Variants in HRK observed in about 807,000 individuals in gnomAD.
HRK encodes the protein harakiri, BCL2 interacting protein.
In HRK, 6 loss-of-function variants were observed where a neutral mutation model predicts 5.9. The ratio of observed to expected loss-of-function variants is 1.02; its 90% confidence interval spans 0.56 to 2.01. HRK has a LOEUF of 2.01. Among genes scored for constraint, HRK ranks in the 30% most tolerant of loss-of-function variants. HRK has a pLI of 0.00. For synonymous variants in HRK, 85 were observed against 65.1 expected (o/e 1.31, Z -1.47); for missense variants, 133 against 128.3 (o/e 1.04, Z -0.18).
rs201285963 is a variant in HRK at position 116,864,830 on chromosome 12, G to A, written c.*57-3364C>T. On this transcript the variant is annotated intron_variant, in intron 1 of 1. Transcript: ENST00000257572. ...TTTTTTCCAAGCAGCAGTAGTAATC[G>A]TGCAATTTAAAACTATTTTTAAAAC... Among the ~76,000 whole-genome samples, 10 of 151,990 alleles carry A rather than the reference G, an allele frequency of 6.6e-5. No individual in the cohort carries two copies. In the East Asian group the frequency reaches 1.7e-3, roughly 26 times the overall value.
At chr12:116,871,021 C>A (rs1340499081) in intron 1 of HRK, among the ~76,000 whole-genome samples, 1 of 152,012 alleles carries the variant, frequency 6.6e-6, no homozygotes, top group Admixed American at 6.5e-5. Flanking sequence ...TGGGTTCAAG[C>A]GATTCTCTTG....
In HRK at chr12:116,878,522, G is replaced by A. The variant is rs1879019585; in HGVS notation, c.*56+2454C>T. 1 of 152,332 alleles carries A rather than the reference G, an allele frequency of 6.6e-6. No individual in the cohort carries two copies. The highest frequency in any genetic ancestry group is 2.4e-5 in the African/African-American group (1 of 41,454). 9.4% of individuals were successfully genotyped at this position (152,332 alleles called of 1,614,324 possible). On this transcript the variant is annotated intron_variant, in intron 1 of 1. Coordinates refer to ENST00000257572, the MANE Select transcript of HRK (RefSeq NM_003806.4). The surrounding 1 kb of genome is among the most constrained non-coding windows in gnomAD (Gnocchi z 4.4). ...AAGCACAAGAAAGGCCGGAGCGGCT[G>A]GTATTCTGAGGTCAGATGTAGGCTG...
intron 1 of HRK, among the ~76,000 whole-genome samples, chr12:116,868,253 G>GCTAAAATGCCTGA (rs112986686): frequency 0.29 from 43,513 of 151,488 alleles, 7,008 homozygotes; most frequent in African/African-American, 0.44. Context: ...ACCACGCCTG[G>GCTAAAATGCCTGA]CTAAAATGCC....
chr12:116,865,485 C>A (rs917658680), intron 1 of HRK, among the ~76,000 whole-genome samples: 1 of 152,138 alleles, frequency 6.6e-6, no homozygotes, highest in Non-Finnish European at 1.5e-5. Flanking sequence ...TGAGATCATG[C>A]CTCTGCACTC....
rs1161368317 is a variant in HRK at position 116,861,106 on chromosome 12, G to A, written c.*417C>T. On this transcript the variant is annotated 3_prime_UTR_variant, in exon 2 of 2. Transcript: ENST00000257572. Reference sequence around the variant, plus strand: ...ACCAGTCTTTGCAAATAGTTTCTAAGTACACAGCAGGCATCTCTCTTCTGG... The same window carrying A: ...ACCAGTCTTTGCAAATAGTTTCTAAATACACAGCAGGCATCTCTCTTCTGG... 6.6e-6 allele frequency: 1 copy of A among 152,156 alleles called. No individual in the cohort carries two copies. Among genetic ancestry groups the A allele is most frequent in the Non-Finnish European group, 1.5e-5 (1 of 68,052 alleles). 9.4% of individuals were successfully genotyped at this position (152,156 alleles called of 1,614,324 possible).
chr12:116,873,586 T>G (rs1006485829), intron 1 of HRK, among the ~76,000 whole-genome samples: 4 of 150,778 alleles, frequency 2.7e-5, no homozygotes, highest in African/African-American at 9.8e-5. Context: ...TTGCCCAGGT[T>G]AGTCTCAAGT....
chr12:116,868,731 C>G (rs1035574302), intron 1 of HRK, among the ~76,000 whole-genome samples: 1 of 152,112 alleles, frequency 6.6e-6, no homozygotes, highest in African/African-American at 2.4e-5. Flanking sequence ...CAGTAATGGG[C>G]AAAATAGGCA....
chr12:116,866,399 A>C (rs1033123752), intron 1 of HRK, among the ~76,000 whole-genome samples: 9 of 151,708 alleles, frequency 5.9e-5, no homozygotes, highest in African/African-American at 2.2e-4. Flanking sequence ...TCAAAAAAAA[A>C]AAAAAAAAAA....
intron 1 of HRK, chr12:116,867,628 T>G (rs1228158511): frequency 6.6e-6 from 1 of 152,078 alleles, no homozygotes; most frequent in Non-Finnish European, 1.5e-5. Context: ...AAAAAGTGCC[T>G]AACAACCTTG....
intron 1 of HRK, among the ~76,000 whole-genome samples, chr12:116,870,081 A>AAC (rs113070500): frequency 0.056 from 8,471 of 150,914 alleles, 561 homozygotes; most frequent in East Asian, 0.23. Flanking sequence ...CTCCATCTAA[A>AAC]ACACACACAC....
intron 1 of HRK, chr12:116,867,710 C>T (rs566163650): frequency 1.6e-4 from 25 of 152,318 alleles, no homozygotes; most frequent in African/African-American, 5.8e-4. Context: ...AATCCTGGTT[C>T]ATCCAAGCAA....
At position 116,859,730 on chromosome 12, in the gene HRK, A is replaced by C. The variant is rs1264038855; in HGVS notation, c.*1793T>G. ...GCCCTGGGGTTGCATTTCTCTTTAAAGGGCTATTTAGGAAAACACAAGGAA... is the reference window on the plus strand; with the variant it reads ...GCCCTGGGGTTGCATTTCTCTTTAACGGGCTATTTAGGAAAACACAAGGAA... On this transcript the variant is annotated 3_prime_UTR_variant, in exon 2 of 2. Transcript: ENST00000257572. 6.6e-6 allele frequency: 1 copy of C among 151,892 alleles called. No homozygotes were observed. Among genetic ancestry groups the C allele is most frequent in the Non-Finnish European group, 1.5e-5 (1 of 68,014 alleles). 9.4% of individuals were successfully genotyped at this position (151,892 alleles called of 1,614,324 possible). A position where few individuals can be genotyped will look rare whatever the true frequency, so the allele number is the denominator to read the frequency against.
Position 116,860,029 on chromosome 12 carries a change from A to G in HRK, c.*1494T>C, listed in dbSNP as rs1027687891. On this transcript the variant is annotated 3_prime_UTR_variant, in exon 2 of 2. Transcript: ENST00000257572. ...CTTAGAACTGGAGCGGTGTCTGCTA[A>G]CCAGCCTGCTGGACCCTCTGTCTAT... 6.6e-6 allele frequency: 1 copy of G among 152,214 alleles called. No homozygotes were observed. The highest frequency in any genetic ancestry group is 1.5e-5 in the Non-Finnish European group (1 of 68,054). The allele number at this position is 152,214 out of a possible 1,614,324, so 9.4% of individuals were successfully genotyped here. A position where few individuals can be genotyped will look rare whatever the true frequency, so the allele number is the denominator to read the frequency against.
chr12:116,860,077 A>G lies in HRK; in HGVS notation c.*1446T>C, dbSNP rs1878303103. 6.6e-6 allele frequency: 1 copy of G among 152,226 alleles called. No individual in the cohort carries two copies. Among genetic ancestry groups the G allele is most frequent in the Admixed American group, 6.5e-5 (1 of 15,294 alleles). 9.4% of individuals were successfully genotyped at this position (152,226 alleles called of 1,614,324 possible). A position where few individuals can be genotyped will look rare whatever the true frequency, so the allele number is the denominator to read the frequency against. ...TATAGGTACCGGGTGGTGACCTGCA[A>G]ATCCAGCCTTGGAGAATGACCGTCC... On this transcript the variant is annotated 3_prime_UTR_variant, in exon 2 of 2. Coordinates refer to ENST00000257572, the MANE Select transcript of HRK (RefSeq NM_003806.4).
rs898623715 is a variant in HRK, at chr12:116,856,236, GACGTCAGAACCAACA to G, written c.*5272_*5286del. On this transcript the variant is annotated 3_prime_UTR_variant, in exon 2 of 2. Coordinates refer to ENST00000257572, the MANE Select transcript of HRK (RefSeq NM_003806.4). The surrounding 1 kb of genome is among the most constrained non-coding windows in gnomAD (Gnocchi z 4.4). ...AATTCCTCTTACAAAAGAGCACAAC[GACGTCAGAACCAACA>G]ACGTCAGAACCCAGAACGGAACGTC... The G allele has an allele frequency of 5.9e-5, 9 of 152,304 alleles. No homozygotes were observed. The highest frequency in any genetic ancestry group is 4.6e-4 in the Admixed American group (7 of 15,290). 9.4% of individuals were successfully genotyped at this position (152,304 alleles called of 1,614,324 possible).
At chr12:116,880,950 C>G (rs28489658) in intron 1 of HRK, 26 bp downstream of exon 1, 1 of 1,095,802 alleles carries the variant, frequency 9.1e-7, no homozygotes, top group East Asian at 3.6e-5. Flanking sequence ...TGCCGCGCCC[C>G]GGCTCTCGCT....
In HRK at chr12:116,857,074, A is replaced by T. The variant is rs1878178519; in HGVS notation, c.*4449T>A. Reference sequence around the variant, plus strand: ...TTTACCAGATAGCAGGGCTCTCAGTAAATACTATATAACAATCTGCCAGCA... The same window carrying T: ...TTTACCAGATAGCAGGGCTCTCAGTTAATACTATATAACAATCTGCCAGCA... On this transcript the variant is annotated 3_prime_UTR_variant, in exon 2 of 2. Coordinates refer to ENST00000257572, the MANE Select transcript of HRK (RefSeq NM_003806.4). 2 of 152,198 alleles carry T rather than the reference A, an allele frequency of 1.3e-5. No individual in the cohort carries two copies. The highest frequency in any genetic ancestry group is 2.9e-5 in the Non-Finnish European group (2 of 68,036). The allele number at this position is 152,198 out of a possible 1,614,324, so 9.4% of individuals were successfully genotyped here.
Position 116,878,173 on chromosome 12 carries a change from C to T in HRK, c.*56+2803G>A, listed in dbSNP as rs551550911. ...TCAGGTGATCCACCTGCCTTGGCCT[C>T]CCAAAGTGCTGGAATTACAGGCGTG... On this transcript the variant is annotated intron_variant, in intron 1 of 1. Coordinates refer to ENST00000257572, the MANE Select transcript of HRK (RefSeq NM_003806.4). The surrounding 1 kb of genome is among the most constrained non-coding windows in gnomAD (Gnocchi z 4.4). 9.2e-5 allele frequency among the ~76,000 whole-genome samples: 14 copies of T among 152,312 alleles called. No individual in the cohort carries two copies. Among genetic ancestry groups the T allele is most frequent in the Non-Finnish European group, 1.5e-5 (1 of 68,030 alleles).
intron 1 of HRK, among the ~76,000 whole-genome samples, chr12:116,866,769 T>C (rs1454224620): frequency 1.3e-5 from 2 of 152,094 alleles, no homozygotes; most frequent in Non-Finnish European, 2.9e-5. Context: ...CCCAACTCGC[T>C]TGACTTTCAG....
Sources: allele counts gnomAD v4.1 joint callset (sites outside exome capture counted in the v4.1 genomes callset), GRCh38; gene constraint gnomAD v4.1.1; non-coding constraint Gnocchi (gnomAD v3.1); transcripts MANE v1.5; gene names NCBI Gene and HGNC (gene_info 2026-07-23, HGNC 2026-07-21).